Variants in CACNA2D1 observed in about 807,000 individuals in gnomAD.
The protein encoded by CACNA2D1 is voltage-dependent calcium channel subunit alpha-2/delta-1.
Under a neutral mutation model 171.5 loss-of-function variants are expected in CACNA2D1, and 53 were observed. The observed-to-expected ratio is 0.31, with a 90% CI of 0.25 to 0.39. CACNA2D1 has a LOEUF of 0.39. Ranked by LOEUF, CACNA2D1 falls within the 10% of genes least tolerant of loss-of-function variation. CACNA2D1 has a pLI of 1.00. For missense variants in CACNA2D1, 903 were observed against 1,299.8 expected, an observed-to-expected ratio of 0.69 and a Z score of 4.69; for synonymous variants, 442 against 443.1, an observed-to-expected ratio of 1.00 and a Z score of 0.03.
chr7:82,435,333 G>A (rs1000078751), intron 1 of CACNA2D1, among the ~76,000 whole-genome samples: 4 of 152,020 alleles, frequency 2.6e-5, no homozygotes, highest in East Asian at 3.9e-4. Flanking sequence ...CACCATGCCC[G>A]GCCCAGATAC....
chr7:82,081,718 C>A (rs1196286087), intron 7 of CACNA2D1, among the ~76,000 whole-genome samples: 1 of 152,188 alleles, frequency 6.6e-6, no homozygotes, highest in Non-Finnish European at 1.5e-5. Context: ...GCCAGTGACA[C>A]CCCTGCCCAG....
chr7:82,145,891 A>T (rs1341428874), intron 4 of CACNA2D1, among the ~76,000 whole-genome samples: 4 of 137,786 alleles, frequency 2.9e-5, no homozygotes, highest in Non-Finnish European at 6.6e-5. Flanking sequence ...TTACTGGAAG[A>T]ACAACAAAAA....
At chr7:82,139,229 G>A (rs1251751090) in intron 4 of CACNA2D1, among the ~76,000 whole-genome samples, 1 of 152,056 alleles carries the variant, frequency 6.6e-6, no homozygotes, top group Non-Finnish European at 1.5e-5. Flanking sequence ...TTAATGATTA[G>A]TCAATGTATT....
At chr7:82,432,457 G>A (rs181259541) in intron 1 of CACNA2D1, among the ~76,000 whole-genome samples, 8 of 152,354 alleles carry the variant, frequency 5.3e-5, no homozygotes, top group Non-Finnish European at 7.3e-5. Context: ...GACCTGGGAT[G>A]CCTCAGTGAG....
intron 10 of CACNA2D1, among the ~76,000 whole-genome samples, chr7:82,040,452 C>CAAAAAAAAAAAAAAAAA (rs34257660): frequency 1.9e-5 from 2 of 106,522 alleles, no homozygotes; most frequent in Non-Finnish European, 3.7e-5. Flanking sequence ...ATAATTTATT[C>CAAAAAAAAAAAAAAAAA]AAAAAAAAAA....
chr7:82,144,629 T>TAA (rs1792774798), intron 4 of CACNA2D1, among the ~76,000 whole-genome samples: 1 of 152,008 alleles, frequency 6.6e-6, no homozygotes, highest in African/African-American at 2.4e-5. Flanking sequence ...AGCTCCTATA[T>TAA]AAAGCATTTT....
chr7:82,095,812 C>G (rs911510026), intron 6 of CACNA2D1, among the ~76,000 whole-genome samples: 2 of 152,102 alleles, frequency 1.3e-5, no homozygotes, highest in Non-Finnish European at 2.9e-5. Flanking sequence ...CAATGATAGG[C>G]GGTGGATGGG....
intron 11 of CACNA2D1, among the ~76,000 whole-genome samples, chr7:82,035,355 A>AC (rs1803180946): frequency 6.6e-6 from 1 of 151,852 alleles, no homozygotes; most frequent in South Asian, 2.1e-4. Flanking sequence ...CAAAAAAAAA[A>AC]CCAGAATGGC....
chr7:82,103,224 C>T (rs1034153233), intron 6 of CACNA2D1, among the ~76,000 whole-genome samples: 1 of 152,066 alleles, frequency 6.6e-6, no homozygotes, highest in Non-Finnish European at 1.5e-5. Flanking sequence ...AAGAGAATCG[C>T]GTGAACCAGG....
chr7:82,318,035 A>G (rs1384621191), intron 3 of CACNA2D1, among the ~76,000 whole-genome samples: 1 of 151,860 alleles, frequency 6.6e-6, no homozygotes. Context: ...TTTTAACTAT[A>G]TACTTACCCT....
Position 82,060,166 on chromosome 7 carries a change from A to ATT in CACNA2D1, c.879+261_879+262insAA, listed in dbSNP as rs1806498175. Among the ~76,000 whole-genome samples, 2 of 9,960 alleles carry ATT rather than the reference A, an allele frequency of 2.0e-4. 1 individual carries two copies. The highest frequency in any genetic ancestry group is 5.8e-4 in the Non-Finnish European group (2 of 3,452). 6.5% of individuals were successfully genotyped at this position (9,960 alleles called of 152,430 possible). A position where few individuals can be genotyped will look rare whatever the true frequency, so the allele number is the denominator to read the frequency against. On this transcript the variant is annotated intron_variant, in intron 10 of 38. Coordinates refer to ENST00000356860, the MANE Select transcript of CACNA2D1 (RefSeq NM_000722.4). Reference sequence around the variant, plus strand: ...TATATATATGTATTATATATATATAATATATATATATAATATATATATATT... The same window carrying ATT: ...TATATATATGTATTATATATATATAATTTATATATATATAATATATATATATT...
chr7:82,192,475 TGTGTGTG>T (rs1563182547), intron 3 of CACNA2D1, among the ~76,000 whole-genome samples: 23 of 32,210 alleles, frequency 7.1e-4, no homozygotes, highest in African/African-American at 1.2e-3. Context: ...TGTGTGTGTG[TGTGTGTG>T]TGTGTGTGTG....
chr7:81,952,194 A>C (rs568907427), intron 38 of CACNA2D1, among the ~76,000 whole-genome samples: 2 of 151,112 alleles, frequency 1.3e-5, no homozygotes, highest in South Asian at 4.2e-4. Flanking sequence ...AAGACCATAT[A>C]TTTAAACATC....
At chr7:82,189,274 C>G (rs1397989098) in intron 3 of CACNA2D1, among the ~76,000 whole-genome samples, 1 of 151,974 alleles carries the variant, frequency 6.6e-6, no homozygotes, top group Non-Finnish European at 1.5e-5. Context: ...AGCATAAGCA[C>G]AGTATAAATG....
chr7:82,405,699 T>C (rs1826954027), intron 1 of CACNA2D1, among the ~76,000 whole-genome samples: 1 of 152,188 alleles, frequency 6.6e-6, no homozygotes, highest in Non-Finnish European at 1.5e-5. Flanking sequence ...GTGGGGATTA[T>C]AGTTTGAGTG....
intron 3 of CACNA2D1, among the ~76,000 whole-genome samples, chr7:82,327,387 C>A (rs1358528952): frequency 6.6e-6 from 1 of 152,166 alleles, no homozygotes; most frequent in Non-Finnish European, 1.5e-5. Flanking sequence ...AAAATAAATC[C>A]ACACTCTGTT....
intron 6 of CACNA2D1, among the ~76,000 whole-genome samples, chr7:82,089,887 T>G (rs1418914495): frequency 6.6e-6 from 1 of 152,162 alleles, no homozygotes; most frequent in Non-Finnish European, 1.5e-5. Context: ...TTTTCTTGAT[T>G]TATTCAGGGT....
chr7:82,301,276 G>C (rs571712163), intron 3 of CACNA2D1, among the ~76,000 whole-genome samples: 1 of 152,038 alleles, frequency 6.6e-6, no homozygotes, highest in Admixed American at 6.6e-5. Context: ...ACAGGCATGC[G>C]CCACCACACC....
chr7:82,349,763 C>T (rs1819633159), intron 1 of CACNA2D1, 114 bp from the exon 2 acceptor site: 3 of 850,644 alleles, frequency 3.5e-6, no homozygotes, highest in South Asian at 2.7e-5. Context: ...TAAATTATTC[C>T]TCTCCCTCCT....
Sources: allele counts gnomAD v4.1 joint callset (sites outside exome capture counted in the v4.1 genomes callset), GRCh38; gene constraint gnomAD v4.1.1; transcripts MANE v1.5; gene names NCBI Gene and HGNC (gene_info 2026-07-23, HGNC 2026-07-21).